Variants in XPO7 observed in about 807,000 individuals in gnomAD.
XPO7 encodes the protein exportin 7.
In XPO7, 21 loss-of-function variants were observed where a neutral mutation model predicts 144.3. That is an observed-to-expected ratio of 0.15 (90% CI 0.10 to 0.21). XPO7 has a LOEUF of 0.21. Among genes scored for constraint, XPO7 ranks in the 10% least tolerant of loss-of-function variants. The pLI is 1.00. For missense variants in XPO7, 808 were observed against 1,325.8 expected (o/e 0.61, Z 6.06); for synonymous variants, 580 against 499.6 (o/e 1.16, Z -2.15).
At chr8:21,935,819 G>T (rs1328897586) in intron 1 of XPO7, among the ~76,000 whole-genome samples, 1 of 97,716 alleles carries the variant, frequency 1.0e-5, no homozygotes, top group Non-Finnish European at 2.2e-5. Context: ...GTGAGGGGTG[G>T]TATGGGCAAG....
rs761603546 is a variant in XPO7, at chr8:21,982,684, G to A, written c.1149G>A (p.Leu383=). The A allele has an allele frequency of 6.2e-7, 1 of 1,610,686 alleles. No homozygotes were observed. Among genetic ancestry groups the A allele is most frequent in the Admixed American group, 1.7e-5 (1 of 58,912 alleles). Residue 383 remains leucine (L), a synonymous_variant, in exon 11 of 28, where the codon CTG becomes CTA. Transcript: ENST00000252512. The part of the protein sequence containing the change: ...APNSVHYLLS[L]WQRLAASVPY... The stretch of plus-strand genomic sequence containing the variant: ...ATAGTGTGCACTATCTTCTGAGCCT[G>A]TGGCAGCGGCTGGCAGCCTCTGTGC...
At chr8:22,002,685 A>G (rs1813192149) in intron 25 of XPO7, among the ~76,000 whole-genome samples, 1 of 152,230 alleles carries the variant, frequency 6.6e-6, no homozygotes, top group Admixed American at 6.5e-5. Context: ...ATCAAACCAT[A>G]TGCTTGCCCT....
intron 1 of XPO7, among the ~76,000 whole-genome samples, chr8:21,964,544 C>G (rs1314213271): frequency 6.6e-6 from 1 of 152,042 alleles, no homozygotes; most frequent in Admixed American, 6.5e-5. Flanking sequence ...AGAAAATGAC[C>G]CTGTTTTTCA....
chr8:21,968,862 A>C (rs1319158518), intron 2 of XPO7, among the ~76,000 whole-genome samples: 1 of 152,252 alleles, frequency 6.6e-6, no homozygotes, highest in Non-Finnish European at 1.5e-5. Flanking sequence ...TGTTAAACCC[A>C]CATTTGAGAA....
Position 21,977,620 on chromosome 8 carries a change from C to T in XPO7, c.764-150C>T, listed in dbSNP as rs564510539. The T allele has an allele frequency of 1.5e-5, 10 of 662,622 alleles. No individual in the cohort carries two copies. In the African/African-American group the frequency reaches 1.7e-4, roughly 11 times the overall value. The allele number at this position is 662,622 out of a possible 1,614,324, so 41.0% of individuals were successfully genotyped here. A position where few individuals can be genotyped will look rare whatever the true frequency, so the allele number is the denominator to read the frequency against. On this transcript the variant is annotated intron_variant, in intron 7 of 27. Coordinates refer to ENST00000252512, the MANE Select transcript of XPO7 (RefSeq NM_015024.5). The stretch of plus-strand genomic sequence containing the variant: ...GAAAAGAAAAAGGGAAACCAAAAAG[C>T]CCCTATTTGCTTATCACTTCCAAAG...
chr8:21,925,429 G>A (rs1232383275), intron 1 of XPO7, among the ~76,000 whole-genome samples: 4 of 152,086 alleles, frequency 2.6e-5, no homozygotes, highest in African/African-American at 9.7e-5. Context: ...ATGTAACATC[G>A]GTATAGAGAT....
intron 1 of XPO7, among the ~76,000 whole-genome samples, chr8:21,958,626 G>A (rs547791921): frequency 5.3e-5 from 8 of 151,190 alleles, no homozygotes; most frequent in East Asian, 3.9e-4. Flanking sequence ...AAAAAAACCC[G>A]TAAAGGACCT....
At chr8:21,925,520 G>C (rs1647681580) in intron 1 of XPO7, among the ~76,000 whole-genome samples, 1 of 152,226 alleles carries the variant, frequency 6.6e-6, no homozygotes, top group African/African-American at 2.4e-5. Context: ...GCTGTTGGAA[G>C]ATTTAGATGA....
At chr8:21,985,807 C>G (rs1010957721) in intron 13 of XPO7, 116 bp downstream of exon 13, 35 of 842,286 alleles carry the variant, frequency 4.2e-5, no homozygotes, top group Non-Finnish European at 6.4e-5. Flanking sequence ...CCATGAGACA[C>G]AGCTTTCAAG....
intron 20 of XPO7, among the ~76,000 whole-genome samples, chr8:21,994,823 G>T (rs1268090148): frequency 6.6e-6 from 1 of 152,182 alleles, no homozygotes; most frequent in Admixed American, 6.5e-5. Flanking sequence ...GGAGGCCGAG[G>T]TGGGCGGATC....
intron 9 of XPO7, 77 bp from the exon 10 acceptor site, chr8:21,981,653 GC>G: frequency 6.5e-7 from 1 of 1,545,090 alleles, no homozygotes; most frequent in East Asian, 2.3e-5. Context: ...CTTCCCCCAT[GC>G]CATCTCAAGT....
intron 25 of XPO7, chr8:22,002,838 T>G (rs1813198452): frequency 5.8e-6 from 1 of 170,958 alleles, no homozygotes; most frequent in African/African-American, 2.4e-5. Context: ...AGTGAAATAA[T>G]TCAGGACTCC....
intron 1 of XPO7, among the ~76,000 whole-genome samples, chr8:21,936,985 A>T (rs1810841636): frequency 6.6e-6 from 1 of 152,204 alleles, no homozygotes; most frequent in Non-Finnish European, 1.5e-5. Context: ...GGCCTTAGCA[A>T]GATAAAAACT....
At chr8:21,994,505 T>C (rs1812876145) in intron 20 of XPO7, 54 bp downstream of exon 20, 5 of 1,518,860 alleles carry the variant, frequency 3.3e-6, no homozygotes, top group East Asian at 4.6e-5. Flanking sequence ...TGGAGTGTGA[T>C]TGGGTGATAG....
chr8:21,931,167 T>TC (rs945820815), intron 1 of XPO7, among the ~76,000 whole-genome samples: 2 of 147,484 alleles, frequency 1.4e-5, no homozygotes, highest in African/African-American at 4.9e-5. Context: ...TTTCTCTCTC[T>TC]CTTTTTTTTT....
At chr8:21,929,352 A>G (rs1810568252) in intron 1 of XPO7, among the ~76,000 whole-genome samples, 1 of 152,228 alleles carries the variant, frequency 6.6e-6, no homozygotes, top group African/African-American at 2.4e-5. Context: ...AAATGGATAT[A>G]TTTTGTTATC....
At chr8:21,946,713 G>A (rs1186273843) in intron 1 of XPO7, among the ~76,000 whole-genome samples, 1 of 149,312 alleles carries the variant, frequency 6.7e-6, no homozygotes, top group Non-Finnish European at 1.5e-5. Flanking sequence ...TGTGATCTCG[G>A]CTCACTGCAG....
intron 1 of XPO7, among the ~76,000 whole-genome samples, chr8:21,944,642 G>T (rs1811100959): frequency 6.6e-6 from 1 of 152,058 alleles, no homozygotes; most frequent in South Asian, 2.1e-4. Context: ...ATCATTCTTG[G>T]ATGTTTCTCG....
At chr8:21,955,724 C>CTTTTTTTTTTTTTT (rs71544845) in intron 1 of XPO7, among the ~76,000 whole-genome samples, 1 of 102,774 alleles carries the variant, frequency 9.7e-6, no homozygotes, top group Non-Finnish European at 1.8e-5. Context: ...CTGTGCTTAC[C>CTTTTTTTTTTTTTT]TTTTTTTTTT....
Sources: allele counts gnomAD v4.1 joint callset (sites outside exome capture counted in the v4.1 genomes callset), GRCh38; gene constraint gnomAD v4.1.1; transcripts MANE v1.5; gene names NCBI Gene and HGNC (gene_info 2026-07-23, HGNC 2026-07-21).